MBLAC2: variants seen among roughly 807,000 people sequenced by gnomAD.
MBLAC2 encodes the protein acyl-coenzyme A thioesterase MBLAC2.
Under a neutral mutation model 23.3 loss-of-function variants are expected in MBLAC2, and 24 were observed. The ratio of observed to expected loss-of-function variants is 1.03; its 90% CI spans 0.75 to 1.45. MBLAC2 has a LOEUF of 1.45. MBLAC2 is among the 40% of genes most tolerant of loss of function. MBLAC2 has a pLI of 0.00. For synonymous variants in MBLAC2, 162 were observed against 150.9 expected (o/e 1.07, Z -0.54); for missense variants, 358 against 370.0 (o/e 0.97, Z 0.27).
At chr5:90,467,923 A>G (rs1204545655) in intron 1 of MBLAC2, among the ~76,000 whole-genome samples, 1 of 152,098 alleles carries the variant, frequency 6.6e-6, no homozygotes, top group Admixed American at 6.6e-5. Context: ...TTCCCTCAGC[A>G]TTTGTTTGTC....
chr5:90,464,742 ATAAAT>A (rs1174882565), intron 1 of MBLAC2, among the ~76,000 whole-genome samples: 1 of 152,204 alleles, frequency 6.6e-6, no homozygotes, highest in African/African-American at 2.4e-5. Flanking sequence ...ACTAGTGAAA[ATAAAT>A]TAATGTAATA....
At position 90,474,426 on chromosome 5, in the gene MBLAC2, G is replaced by A. The variant is rs1486044017; in HGVS notation, c.-134C>T. On this transcript the variant is annotated 5_prime_UTR_variant, in exon 1 of 2. Coordinates refer to ENST00000316610, the MANE Select transcript of MBLAC2 (RefSeq NM_203406.2). ...GGAGGAGGCGTAGAGCGAGGCGGGG[G>A]CGTGGGATGCGGGGGTCGGAATAGG... 2 of 787,198 alleles carry A rather than the reference G, an allele frequency of 2.5e-6. No individual in the cohort carries two copies. Among genetic ancestry groups the A allele is most frequent in the East Asian group, 2.7e-5 (1 of 37,232 alleles). 48.8% of individuals were successfully genotyped at this position (787,198 alleles called of 1,614,324 possible).
At chr5:90,470,904 G>C (rs1185268060) in intron 1 of MBLAC2, among the ~76,000 whole-genome samples, 1 of 152,092 alleles carries the variant, frequency 6.6e-6, no homozygotes, top group Admixed American at 6.5e-5. Context: ...GGATGGGAGA[G>C]GGAGGGGCAT....
chr5:90,461,196 G>A lies in MBLAC2; in HGVS notation c.811C>T (p.Arg271Cys), dbSNP rs760316210. The A allele has an allele frequency of 7.5e-6, 12 of 1,610,474 alleles. No individual in the cohort carries two copies. The highest frequency in any genetic ancestry group is 1.7e-5 in the Admixed American group (1 of 59,392). ...AMRSLASLAL[R>C]VTNSRTSP The stretch of plus-strand genomic sequence containing the variant: ...GGCGAGGTCCTAGAATTTGTTACAC[G>A]TAGAGCTAAACTTGCAAGAGATCGC... The change falls in exon 2 of 2, where the codon CGT becomes TGT. Residue 271 changes from arginine (R) to cysteine (C), a missense_variant. By Grantham distance (180) the Arg-to-Cys change is radical. Coordinates refer to ENST00000316610, the MANE Select transcript of MBLAC2 (RefSeq NM_203406.2).
Position 90,460,997 on chromosome 5 carries a change from GAAA to G in MBLAC2, c.*167_*169del. 1 of 598,070 alleles carries G rather than the reference GAAA, an allele frequency of 1.7e-6. No homozygotes were observed. The highest frequency in any genetic ancestry group is 2.7e-6 in the Non-Finnish European group (1 of 370,532). 37.0% of individuals were successfully genotyped at this position (598,070 alleles called of 1,614,324 possible). On this transcript the variant is annotated 3_prime_UTR_variant, in exon 2 of 2. Coordinates refer to ENST00000316610, the MANE Select transcript of MBLAC2 (RefSeq NM_203406.2). ...TAAGTGGCTTCTTTCTTGGAAGAAA[GAAA>G]ACAATTTAAACTAACAATTTTCTTT...
In MBLAC2 at chr5:90,458,867, T is replaced by C. The variant is rs1056836270; in HGVS notation, c.*2300A>G. On this transcript the variant is annotated 3_prime_UTR_variant, in exon 2 of 2. Transcript: ENST00000316610. ...ACCTTATTTATTCACATTGAAGTAA[T>C]AGCAAAATATCACAGTTCTATGTTG... 4 of 152,456 alleles carry C rather than the reference T, an allele frequency of 2.6e-5. No homozygotes were observed. The highest frequency in any genetic ancestry group is 7.2e-5 in the African/African-American group (3 of 41,430). The allele number at this position is 152,456 out of a possible 1,614,324, so 9.4% of individuals were successfully genotyped here.
chr5:90,473,479 G>A (rs1478363591), intron 1 of MBLAC2: 6 of 578,838 alleles, frequency 1.0e-5, no homozygotes, highest in Non-Finnish European at 1.8e-5. Context: ...GAAAGCTCCT[G>A]GAAATGTCGG....
intron 1 of MBLAC2, among the ~76,000 whole-genome samples, chr5:90,470,551 A>G (rs538178348): frequency 6.6e-5 from 10 of 152,304 alleles, no homozygotes; most frequent in African/African-American, 2.4e-4. Context: ...AAGGCTTCAC[A>G]GTAGAGAAAG....
intron 1 of MBLAC2, among the ~76,000 whole-genome samples, chr5:90,462,905 A>G (rs533854488): frequency 6.6e-6 from 1 of 152,334 alleles, no homozygotes; most frequent in East Asian, 1.9e-4. Context: ...TTACTCCAAA[A>G]CAGCAAAGTA....
At chr5:90,465,305 A>G (rs1750429884) in intron 1 of MBLAC2, among the ~76,000 whole-genome samples, 1 of 152,246 alleles carries the variant, frequency 6.6e-6, no homozygotes, top group Non-Finnish European at 1.5e-5. Flanking sequence ...ATATATGAAC[A>G]CTGTATAATG....
At position 90,474,429 on chromosome 5, in the gene MBLAC2, T is replaced by C; in HGVS notation, c.-137A>G. 1.3e-6 allele frequency: 1 copy of C among 774,944 alleles called. No individual in the cohort carries two copies. Among genetic ancestry groups the C allele is most frequent in the Non-Finnish European group, 2.1e-6 (1 of 475,414 alleles). 48.0% of individuals were successfully genotyped at this position (774,944 alleles called of 1,614,324 possible). ...GGAGGCGTAGAGCGAGGCGGGGGCGTGGGATGCGGGGGTCGGAATAGGAGG... is the reference window on the plus strand; with the variant it reads ...GGAGGCGTAGAGCGAGGCGGGGGCGCGGGATGCGGGGGTCGGAATAGGAGG... On this transcript the variant is annotated 5_prime_UTR_variant, in exon 1 of 2. Coordinates refer to ENST00000316610, the MANE Select transcript of MBLAC2 (RefSeq NM_203406.2).
chr5:90,461,366 C>T lies in MBLAC2; in HGVS notation c.641G>A (p.Arg214His), dbSNP rs779140280. ...RISDYVGTCE[R>H]LIELVDRGLV... is the part of the protein sequence containing the mutation. ...ACCTCTGTCCACTAATTCTATTAGA[C>T]GTTCACAAGTTCCAACATAGTCACT... is the stretch of plus-strand genomic sequence containing the variant. Residue 214 changes from arginine to histidine, a missense_variant, in exon 2 of 2, where the codon CGT becomes CAT. Arg to His is a conservative substitution (Grantham distance 29). Coordinates refer to ENST00000316610, the MANE Select transcript of MBLAC2 (RefSeq NM_203406.2). The T allele has an allele frequency of 9.9e-6, 16 of 1,614,068 alleles. No individual in the cohort carries two copies. The highest frequency in any genetic ancestry group is 6.7e-5 in the African/African-American group (5 of 74,940).
chr5:90,468,550 CTG>C (rs1750490603), intron 1 of MBLAC2, among the ~76,000 whole-genome samples: 1 of 152,006 alleles, frequency 6.6e-6, no homozygotes, highest in African/African-American at 2.4e-5. Context: ...GATGTTGTAA[CTG>C]TTTTTTATTT....
At position 90,474,601 on chromosome 5, in the gene MBLAC2, G is replaced by C; in HGVS notation, c.-309C>G. 2.5e-6 allele frequency: 1 copy of C among 404,974 alleles called. No homozygotes were observed. The highest frequency in any genetic ancestry group is 2.5e-5 in the South Asian group (1 of 39,690). The allele number at this position is 404,974 out of a possible 1,614,324, so 25.1% of individuals were successfully genotyped here. A position where few individuals can be genotyped will look rare whatever the true frequency, so the allele number is the denominator to read the frequency against. ...CGCACCACGAGAGAGCTTTAACGCAGGGGCCACTGCAGCAGAATGGAGACT... is the reference window on the plus strand; with the variant it reads ...CGCACCACGAGAGAGCTTTAACGCACGGGCCACTGCAGCAGAATGGAGACT... On this transcript the variant is annotated 5_prime_UTR_variant, in exon 1 of 2. Transcript: ENST00000316610.
chr5:90,470,752 G>GCTCACA (rs1355342232), intron 1 of MBLAC2, among the ~76,000 whole-genome samples: 1 of 55,280 alleles, frequency 1.8e-5, no homozygotes, highest in Non-Finnish European at 3.5e-5. Flanking sequence ...AAACTAGCGC[G>GCTCACA]CGCGCACACA....
Position 90,474,149 on chromosome 5 carries a change from C to T in MBLAC2, c.144G>A (p.Leu48=). The change falls in exon 1 of 2, where the codon CTG becomes CTA. Residue 48 remains leucine, a synonymous_variant. Transcript: ENST00000316610. ...GGTACTCCGGGAGGCTGCGCAGCCC[C>T]AGGCCTGTATCGATCACCACGTCCT... is the stretch of plus-strand genomic sequence containing the variant. The part of the protein sequence containing the change: ...SEQDVVIDTG[L]GLRSLPEYLY... 5.0e-6 allele frequency: 8 copies of T among 1,594,764 alleles called. No homozygotes were observed. The highest frequency in any genetic ancestry group is 6.8e-6 in the Non-Finnish European group (8 of 1,170,554).
Position 90,474,351 on chromosome 5 carries a change from G to C in MBLAC2, c.-59C>G. The C allele has an allele frequency of 6.7e-7, 1 of 1,487,534 alleles. No homozygotes were observed. The highest frequency in any genetic ancestry group is 1.4e-5 in the African/African-American group (1 of 72,496). The allele number at this position is 1,487,534 out of a possible 1,614,324, so 92.1% of individuals were successfully genotyped here. On this transcript the variant is annotated 5_prime_UTR_variant, in exon 1 of 2. Coordinates refer to ENST00000316610, the MANE Select transcript of MBLAC2 (RefSeq NM_203406.2). ...TGGGCGTGCGAGTCTCCCACAGGCT[G>C]TCCACACACAGGGCACTGCGGCTGT...
chr5:90,462,083 T>A (rs542795886), intron 1 of MBLAC2, among the ~76,000 whole-genome samples: 1 of 152,318 alleles, frequency 6.6e-6, no homozygotes, highest in Admixed American at 6.5e-5. Flanking sequence ...CTGTCAGAAT[T>A]AGGGCTTGAG....
At chr5:90,465,606 T>C (rs891715724) in intron 1 of MBLAC2, among the ~76,000 whole-genome samples, 8 of 152,206 alleles carry the variant, frequency 5.3e-5, no homozygotes, top group Non-Finnish European at 2.9e-5. Flanking sequence ...TTTAAAGAGA[T>C]GGAATCTCTG....
Sources: allele counts gnomAD v4.1 joint callset (sites outside exome capture counted in the v4.1 genomes callset), GRCh38; gene constraint gnomAD v4.1.1; transcripts MANE v1.5; gene names NCBI Gene and HGNC (gene_info 2026-07-23, HGNC 2026-07-21).